DPYD: variants seen among roughly 807,000 people sequenced by gnomAD.
The protein encoded by DPYD is dihydropyrimidine dehydrogenase, also known as dihydropyrimidine dehydrogenase [NADP(+)].
Under a neutral mutation model 116.2 loss-of-function variants are expected in DPYD, and 109 were observed. The ratio of observed to expected loss-of-function variants is 0.94; its 90% CI spans 0.80 to 1.10. DPYD has a LOEUF of 1.10. Among genes scored for constraint, DPYD ranks in the 50% least tolerant of loss-of-function variants. DPYD has a pLI of 0.00. For missense variants in DPYD, 1,302 were observed against 1,254.5 expected (o/e 1.04, Z -0.57); for synonymous variants, 440 against 432.0 (o/e 1.02, Z -0.23).
chr1:97,170,348 A>G (rs1656633178), intron 20 of DPYD, among the ~76,000 whole-genome samples: 1 of 152,202 alleles, frequency 6.6e-6, no homozygotes, highest in Non-Finnish European at 1.5e-5. Context: ...TTATAAGCCA[A>G]TTGAAGGTTG....
intron 20 of DPYD, among the ~76,000 whole-genome samples, chr1:97,122,970 G>GC (rs779236028): frequency 6.6e-6 from 1 of 151,990 alleles, no homozygotes; most frequent in Non-Finnish European, 1.5e-5. Context: ...TAAATATAAG[G>GC]TTGCCTATAC....
intron 18 of DPYD, among the ~76,000 whole-genome samples, chr1:97,290,297 G>C (rs1304915849): frequency 2.0e-5 from 3 of 151,970 alleles, no homozygotes; most frequent in East Asian, 1.9e-4. Flanking sequence ...TCCCCATCAA[G>C]CTACCAATGA....
At chr1:97,467,343 T>C (rs747774642) in intron 13 of DPYD, among the ~76,000 whole-genome samples, 11 of 152,208 alleles carry the variant, frequency 7.2e-5, no homozygotes, top group Admixed American at 6.5e-5. Context: ...AAAACAAAGC[T>C]TCTCTTCCTT....
intron 14 of DPYD, among the ~76,000 whole-genome samples, chr1:97,448,910 C>G (rs1488130566): frequency 6.6e-6 from 1 of 151,836 alleles, no homozygotes; most frequent in African/African-American, 2.4e-5. Context: ...TATTTTATTT[C>G]ACGTATTTTA....
chr1:97,859,776 T>G (rs1671028339), intron 2 of DPYD, among the ~76,000 whole-genome samples: 1 of 152,044 alleles, frequency 6.6e-6, no homozygotes, highest in Non-Finnish European at 1.5e-5. Context: ...ATAGTAAAAA[T>G]AAAAATAAAT....
intron 20 of DPYD, among the ~76,000 whole-genome samples, chr1:97,152,678 A>G (rs902040688): frequency 6.6e-6 from 1 of 151,140 alleles, no homozygotes; most frequent in Non-Finnish European, 1.5e-5. Flanking sequence ...TGCTGTATAT[A>G]TTCTGTAGAC....
rs549717330 is a variant in DPYD, at chr1:97,577,833, TTTAATTAA to T, written c.1129-3871_1129-3864del. 1.4e-3 allele frequency among the ~76,000 whole-genome samples: 214 copies of T among 152,124 alleles called. 1 individual carries two copies. Among genetic ancestry groups the T allele is most frequent in the African/African-American group, 5.0e-3 (207 of 41,524 alleles). On this transcript the variant is annotated intron_variant, in intron 10 of 22. Transcript: ENST00000370192. ...TTATTTTTGTTATTTTTTATTTTATTTTAATTAATTAATTAATTAATTTGAGACGGAGT... is the reference window on the plus strand; with the variant it reads ...TTATTTTTGTTATTTTTTATTTTATTTTAATTAATTAATTTGAGACGGAGT...
intron 8 of DPYD, among the ~76,000 whole-genome samples, chr1:97,611,026 C>T (rs1317833486): frequency 6.6e-6 from 1 of 151,698 alleles, no homozygotes; most frequent in Non-Finnish European, 1.5e-5. Flanking sequence ...TACAAACATA[C>T]ATATGATAAT....
At chr1:97,300,908 C>G (rs1247055892) in intron 18 of DPYD, among the ~76,000 whole-genome samples, 1 of 151,854 alleles carries the variant, frequency 6.6e-6, no homozygotes, top group Non-Finnish European at 1.5e-5. Context: ...ACACTTTGTA[C>G]TCACTTCTGG....
chr1:97,424,350 T>C (rs906021855), intron 14 of DPYD, among the ~76,000 whole-genome samples: 14 of 152,016 alleles, frequency 9.2e-5, no homozygotes, highest in Non-Finnish European at 1.5e-5. Context: ...TAGAAATTTC[T>C]CTTTCACCTC....
chr1:97,746,707 A>G (rs1664577309), intron 3 of DPYD, among the ~76,000 whole-genome samples: 1 of 152,146 alleles, frequency 6.6e-6, no homozygotes, highest in Non-Finnish European at 1.5e-5. Flanking sequence ...TACACACATC[A>G]TGAATACAGG....
intron 19 of DPYD, among the ~76,000 whole-genome samples, chr1:97,202,556 C>T (rs1176232429): frequency 1.3e-5 from 2 of 152,166 alleles, no homozygotes; most frequent in African/African-American, 4.8e-5. Flanking sequence ...ATCATCAATT[C>T]TCCAAGTATT....
chr1:97,632,619 G>C (rs1657335840), intron 8 of DPYD, among the ~76,000 whole-genome samples: 1 of 152,058 alleles, frequency 6.6e-6, no homozygotes, highest in African/African-American at 2.4e-5. Flanking sequence ...CATTGGAAAA[G>C]TTTTAAGCCA....
intron 8 of DPYD, among the ~76,000 whole-genome samples, chr1:97,608,843 T>A (rs1655763937): frequency 1.3e-5 from 2 of 151,902 alleles, no homozygotes; most frequent in African/African-American, 4.8e-5. Flanking sequence ...AGGTGAAGAA[T>A]CTATAGCAAC....
chr1:97,696,410 T>C (rs1034047765), intron 6 of DPYD, among the ~76,000 whole-genome samples: 1 of 152,132 alleles, frequency 6.6e-6, no homozygotes, highest in African/African-American at 2.4e-5. Flanking sequence ...AGGGCAGATA[T>C]GGATTTTTAA....
chr1:97,828,005 T>G, intron 3 of DPYD, 109 bp downstream of exon 3: 1 of 1,072,586 alleles, frequency 9.3e-7, no homozygotes, highest in Non-Finnish European at 1.4e-6. Flanking sequence ...ATTAATACCT[T>G]AGAGAACAGA....
rs556574663 is a variant in DPYD at position 97,701,833 on chromosome 1, T to G, written c.484-2286A>C. 3.9e-5 allele frequency among the ~76,000 whole-genome samples: 6 copies of G among 152,002 alleles called. No homozygotes were observed. The South Asian group carries it at 1.2e-3, about 32-fold the overall frequency. ...TACTTTGTCACTTTTACTGGTTTACTTATCTGTTTCCTCTCTTAGACCATA... is the reference window on the plus strand; with the variant it reads ...TACTTTGTCACTTTTACTGGTTTACGTATCTGTTTCCTCTCTTAGACCATA... On this transcript the variant is annotated intron_variant, in intron 5 of 22. Transcript: ENST00000370192.
At chr1:97,573,614 C>G in intron 11 of DPYD, 146 bp downstream of exon 11, 2 of 895,224 alleles carry the variant, frequency 2.2e-6, no homozygotes, top group Non-Finnish European at 3.5e-6. Flanking sequence ...CATTTCTAAG[C>G]CTTTTGAATC....
intron 8 of DPYD, among the ~76,000 whole-genome samples, chr1:97,616,543 T>A (rs1194114822): frequency 6.6e-6 from 1 of 152,158 alleles, no homozygotes; most frequent in Non-Finnish European, 1.5e-5. Context: ...TCATGCAAAC[T>A]ACTTGGATGT....
Sources: allele counts gnomAD v4.1 joint callset (sites outside exome capture counted in the v4.1 genomes callset), GRCh38; gene constraint gnomAD v4.1.1; transcripts MANE v1.5; gene names NCBI Gene and HGNC (gene_info 2026-07-23, HGNC 2026-07-21).